Variants in PSG5 observed in about 807,000 individuals in gnomAD.
The protein encoded by PSG5 is pregnancy-specific beta-1-glycoprotein 5.
PSG5 carries 53 observed loss-of-function variants against 37.7 expected under a neutral mutation model. The ratio of observed to expected loss-of-function variants is 1.41; its 90% CI spans 1.13 to 1.77. The LOEUF (loss-of-function observed/expected upper bound fraction) is 1.77, where lower values mean the gene tolerates loss of function less well. Ranked by LOEUF, PSG5 falls within the 40% of genes most tolerant of loss-of-function variation. The probability of loss-of-function intolerance (pLI) is 0.00; values close to 1 mark genes in which losing one functional copy is unlikely to be tolerated. For synonymous variants in PSG5, 221 were observed against 155.4 expected (o/e 1.42, Z -3.14); for missense variants, 547 against 405.2 (o/e 1.35, Z -3.00).
intron 2 of PSG5, chr19:43,179,263 C>A (rs1039892769): frequency 5.9e-6 from 8 of 1,348,558 alleles, no homozygotes; most frequent in Non-Finnish European, 7.1e-6. Flanking sequence ...CCACCCAAGT[C>A]CTTAAAAGCC....
intron 5 of PSG5, among the ~76,000 whole-genome samples, chr19:43,168,421 T>A (rs1481397169): frequency 6.6e-6 from 1 of 151,472 alleles, no homozygotes; most frequent in Non-Finnish European, 1.5e-5. Flanking sequence ...CAGGCTGGAG[T>A]GCAGTGATGC....
chr19:43,174,256 G>A (rs914400146), intron 4 of PSG5: 1 of 207,144 alleles, frequency 4.8e-6, no homozygotes, highest in Non-Finnish European at 8.4e-6. Context: ...GGTTTAATAT[G>A]GTAAGAGGAA....
intron 5 of PSG5, among the ~76,000 whole-genome samples, chr19:43,168,673 A>G (rs1279847416): frequency 1.3e-5 from 2 of 151,746 alleles, no homozygotes; most frequent in Non-Finnish European, 2.9e-5. Context: ...CGCCCAGCGT[A>G]GAATACTCAT....
In PSG5 at chr19:43,175,225, G is replaced by A. The variant is rs766362109; in HGVS notation, c.954C>T (p.Val318=). The A allele has an allele frequency of 4.3e-6, 7 of 1,612,472 alleles. No homozygotes were observed. Among genetic ancestry groups the A allele is most frequent in the Non-Finnish European group, 5.1e-6 (6 of 1,179,126 alleles). ...CTGGGATCCACTTACCAGAGACTTC[G>A]ACTGTCATGGATTTGGAGCTTTCCT... The part of the protein sequence containing the change: ...TGKESSKSMT[V]EVSAPSGIGR... Residue 318 remains valine, a synonymous_variant, in exon 4 of 6, where the codon GTC becomes GTT. Transcript: ENST00000342951.
chr19:43,185,308 T>C (rs1966910095), intron 1 of PSG5, among the ~76,000 whole-genome samples, 161 bp from the exon 2 acceptor site: 2 of 151,174 alleles, frequency 1.3e-5, no homozygotes, highest in Non-Finnish European at 3.0e-5. Context: ...TTTGTGTGTG[T>C]GTATGTGTGT....
chr19:43,181,990 T>A (rs1188959876), intron 2 of PSG5, among the ~76,000 whole-genome samples: 1 of 151,682 alleles, frequency 6.6e-6, no homozygotes, highest in Non-Finnish European at 1.5e-5. Context: ...TCTGACACCC[T>A]GGTGAGTCAG....
chr19:43,179,434 C>T (rs1333114774), intron 2 of PSG5, among the ~76,000 whole-genome samples: 5 of 151,612 alleles, frequency 3.3e-5, no homozygotes, highest in Non-Finnish European at 5.9e-5. Flanking sequence ...GTCACAGACC[C>T]GATGCCTCTC....
intron 3 of PSG5, 40 bp downstream of exon 3, chr19:43,175,830 A>T: frequency 1.2e-6 from 2 of 1,608,128 alleles, no homozygotes. Flanking sequence ...TTTAGATTTA[A>T]GCTGGTGTCC....
chr19:43,170,601 G>A (rs1968885644), intron 4 of PSG5: 2 of 302,798 alleles, frequency 6.6e-6, no homozygotes, highest in Non-Finnish European at 1.4e-5. Context: ...CTTTCCCACA[G>A]GCTCCCAGGA....
intron 4 of PSG5, chr19:43,174,719 C>G (rs1231897709): frequency 1.9e-6 from 2 of 1,026,990 alleles, no homozygotes; most frequent in Non-Finnish European, 2.4e-6. Context: ...GCCCAGTCAC[C>G]AGAGAAGCAT....
rs1968994977 is a variant in PSG5 at position 43,175,757 on chromosome 19, G to A, written c.709+113C>T. 10 of 1,546,680 alleles carry A rather than the reference G, an allele frequency of 6.5e-6. No homozygotes were observed. In the South Asian group the frequency reaches 8.7e-5, roughly 14 times the overall value. On this transcript the variant is annotated intron_variant, in intron 3 of 5. Transcript: ENST00000342951. ...GCAGGGAGTCATGGCCAGCTCAGAT[G>A]TCCAGAAATAAAGGTGTCTATACTT...
chr19:43,177,172 G>C (rs1011671569), intron 2 of PSG5, among the ~76,000 whole-genome samples: 2 of 151,602 alleles, frequency 1.3e-5, no homozygotes, highest in African/African-American at 2.4e-5. Context: ...TATGAGAAGA[G>C]ACTGCTGTTT....
intron 4 of PSG5, chr19:43,171,333 C>T (rs919231931): frequency 1.3e-5 from 2 of 151,900 alleles, no homozygotes; most frequent in Admixed American, 1.3e-4. Flanking sequence ...AAAGCACTCT[C>T]ATTGCAATTT....
intron 4 of PSG5, 200 bp downstream of exon 4, chr19:43,175,015 A>G (rs1029312746): frequency 1.7e-5 from 25 of 1,471,260 alleles, no homozygotes; most frequent in Middle Eastern, 2.5e-4. Context: ...GGCCAGACAC[A>G]AGGTCAGCCA....
At position 43,184,959 on chromosome 19, in the gene PSG5, CTACTACA is replaced by C. The variant is rs758256958; in HGVS notation, c.246_252del (p.Tyr82Ter). 4.3e-6 allele frequency: 7 copies of C among 1,612,448 alleles called. No individual in the cohort carries two copies. Among genetic ancestry groups the C allele is most frequent in the Non-Finnish European group, 5.1e-6 (6 of 1,179,086 alleles). On this transcript the variant is annotated frameshift_variant, in exon 2 of 6. Transcript: ENST00000342951. LOFTEE classifies it high-confidence loss of function. Reference sequence around the variant, plus strand: ...GGCCCATATATATTTATTTGACCGTCTACTACATATGATGTAATGTAATGGTAGAGGT... The same window carrying C: ...GGCCCATATATATTTATTTGACCGTCTATGATGTAATGTAATGGTAGAGGT...
At chr19:43,176,901 C>T (rs1296114803) in intron 2 of PSG5, among the ~76,000 whole-genome samples, 8 of 151,278 alleles carry the variant, frequency 5.3e-5, no homozygotes, top group African/African-American at 1.7e-4. Flanking sequence ...TAAGTTTCCT[C>T]TCCTTCTGCA....
At chr19:43,183,508 C>G in intron 2 of PSG5, 2 of 525,374 alleles carry the variant, frequency 3.8e-6, no homozygotes, top group Non-Finnish European at 7.8e-6. Flanking sequence ...TCTCCTTGAT[C>G]CTTTCATGAC....
intron 1 of PSG5, among the ~76,000 whole-genome samples, chr19:43,185,428 C>A (rs1252823386): frequency 2.6e-5 from 1 of 39,030 alleles, no homozygotes; most frequent in Non-Finnish European, 4.8e-5. Flanking sequence ...GTCCACACGG[C>A]ACCCCCCCCC....
intron 2 of PSG5, among the ~76,000 whole-genome samples, chr19:43,177,550 T>A (rs1969036970): frequency 6.6e-6 from 1 of 151,130 alleles, no homozygotes; most frequent in Non-Finnish European, 1.5e-5. Context: ...TGGTGATTAG[T>A]TTTTGGTCAA....
Sources: gnomAD v4.1 joint callset for allele counts (sites outside exome capture counted in the v4.1 genomes callset) on GRCh38, gnomAD v4.1.1 for gene constraint, MANE v1.5 for transcripts, NCBI Gene and HGNC (gene_info 2026-07-23, HGNC 2026-07-21) for gene names.